TRHDE: variants seen among roughly 807,000 people sequenced by gnomAD.
TRHDE encodes thyrotropin releasing hormone degrading enzyme.
Under a neutral mutation model 125.7 loss-of-function variants are expected in TRHDE, and 72 were observed. The observed-to-expected ratio is 0.57, with a 90% CI of 0.47 to 0.70. TRHDE has a LOEUF of 0.70. Ranked by LOEUF, TRHDE falls within the 30% of genes least tolerant of loss-of-function variation. TRHDE has a pLI of 0.00. For synonymous variants in TRHDE, 509 were observed against 509.1 expected, an observed-to-expected ratio of 1.00 and a Z score of 0.00; for missense variants, 1,110 against 1,327.1, an observed-to-expected ratio of 0.84 and a Z score of 2.54.
intron 2 of TRHDE, among the ~76,000 whole-genome samples, chr12:72,361,430 G>A (rs935234665): frequency 6.6e-6 from 1 of 151,674 alleles, no homozygotes; most frequent in Admixed American, 6.6e-5. Flanking sequence ...GCAATAAAGT[G>A]TAAAAGATAA....
At chr12:72,090,220 C>T (rs1300712647) in intron 1 of TRHDE, among the ~76,000 whole-genome samples, 2 of 152,060 alleles carry the variant, frequency 1.3e-5, no homozygotes, top group Non-Finnish European at 2.9e-5. Flanking sequence ...ATAATTTACC[C>T]AGAGATAATT....
At chr12:72,129,120 G>T (rs1454193405) in intron 2 of TRHDE, among the ~76,000 whole-genome samples, 1 of 152,084 alleles carries the variant, frequency 6.6e-6, no homozygotes. Context: ...AATCTTTAAG[G>T]TCCTGAAAGA....
chr12:72,172,554 G>A (rs1876896395), intron 2 of TRHDE, among the ~76,000 whole-genome samples: 1 of 152,118 alleles, frequency 6.6e-6, no homozygotes, highest in Non-Finnish European at 1.5e-5. Context: ...TTAGATTCAA[G>A]GGTATGACCA....
chr12:72,645,560 G>T (rs906350230), intron 15 of TRHDE, among the ~76,000 whole-genome samples: 1 of 152,078 alleles, frequency 6.6e-6, no homozygotes, highest in Non-Finnish European at 1.5e-5. Flanking sequence ...CTCTTTCAAA[G>T]ATATAATGGC....
intron 1 of TRHDE, among the ~76,000 whole-genome samples, chr12:72,275,115 G>A (rs1879434422): frequency 6.6e-6 from 1 of 152,202 alleles, no homozygotes; most frequent in Admixed American, 6.5e-5. Context: ...TGGGCTCGGA[G>A]AAGCCCAGGG....
In TRHDE at chr12:72,286,791, C is replaced by T. The variant is rs769207641; in HGVS notation, c.1025C>T (p.Thr342Ile). 6.2e-7 allele frequency: 1 copy of T among 1,613,740 alleles called. No homozygotes were observed. Among genetic ancestry groups the T allele is most frequent in the South Asian group, 1.1e-5 (1 of 91,028 alleles). The change falls in exon 2 of 19, where the codon ACC becomes ATC. Residue 342 changes from threonine to isoleucine, a missense_variant. Thr to Ile is a moderately conservative substitution (Grantham distance 89). Around this residue, in one of 5 missense-constraint regions of TRHDE, gnomAD observed 252 missense variants for 274.8 expected, o/e 0.92. Transcript: ENST00000261180. ...AAAATCAGCATCAAGCATCAAGCAA[C>T]CTATTTATCTTTATCTAATATGCCA... ...TFKISIKHQA[T>I]YLSLSNMPVE...
intron 12 of TRHDE, among the ~76,000 whole-genome samples, chr12:72,599,571 G>A (rs959680365): frequency 1.3e-5 from 2 of 151,758 alleles, no homozygotes; most frequent in African/African-American, 4.8e-5. Flanking sequence ...AGGTTATTTG[G>A]TTTTTGCTTA....
In TRHDE at chr12:72,621,334, C is replaced by T. The variant is rs553488502; in HGVS notation, c.2567+129C>T. 18 of 674,976 alleles carry T rather than the reference C, an allele frequency of 2.7e-5. No individual in the cohort carries two copies. The East Asian group carries it at 3.9e-4, about 15-fold the overall frequency. The allele number at this position is 674,976 out of a possible 1,614,324, so 41.8% of individuals were successfully genotyped here. On this transcript the variant is annotated intron_variant, in intron 14 of 18. Coordinates refer to ENST00000261180, the MANE Select transcript of TRHDE (RefSeq NM_013381.3). ...TTCTTCATCTTACATTTCACTTTCCCGAGAGGACTGCTGCTGGGTAGCACA... is the reference window on the plus strand; with the variant it reads ...TTCTTCATCTTACATTTCACTTTCCTGAGAGGACTGCTGCTGGGTAGCACA...
rs879181694 is a variant in TRHDE at position 72,619,002 on chromosome 12, A to G, written c.2433A>G (p.Lys811=). The G allele has an allele frequency of 6.3e-7, 1 of 1,585,218 alleles. No individual in the cohort carries two copies. Among genetic ancestry groups the G allele is most frequent in the Non-Finnish European group, 8.6e-7 (1 of 1,167,796 alleles). The part of the protein sequence containing the change: ...AASRALYPLD[K]LLDRMENYNI... The stretch of plus-strand genomic sequence containing the variant: ...GCCGAGCTCTTTATCCTCTAGATAA[A>G]TTACTGGACCGCATGGAAAACTACA... Residue 811 remains lysine, a synonymous_variant, in exon 13 of 19, where the codon AAA becomes AAG. Coordinates refer to ENST00000261180, the MANE Select transcript of TRHDE (RefSeq NM_013381.3).
chr12:72,447,340 C>A (rs1875343564), intron 3 of TRHDE, among the ~76,000 whole-genome samples: 1 of 152,080 alleles, frequency 6.6e-6, no homozygotes, highest in Non-Finnish European at 1.5e-5. Flanking sequence ...CACAACATAC[C>A]AGAATCTCTG....
chr12:72,462,590 G>A (rs1193552782), intron 3 of TRHDE, among the ~76,000 whole-genome samples: 2 of 152,076 alleles, frequency 1.3e-5, no homozygotes, highest in African/African-American at 4.8e-5. Flanking sequence ...TTGAATATTA[G>A]CCATATGCTT....
At chr12:72,575,615 G>T in intron 12 of TRHDE, 73 bp downstream of exon 12, 1 of 1,315,596 alleles carries the variant, frequency 7.6e-7, no homozygotes, top group Non-Finnish European at 1.1e-6. Context: ...TGCATAATAT[G>T]TATATGTCTT....
At chr12:72,186,694 T>C (rs1877221625) in intron 2 of TRHDE, 1 of 152,190 alleles carries the variant, frequency 6.6e-6, no homozygotes, top group Non-Finnish European at 1.5e-5. Flanking sequence ...CTTCTATTAA[T>C]GTAATTTGAC....
intron 6 of TRHDE, among the ~76,000 whole-genome samples, chr12:72,538,239 T>C (rs1212443661): frequency 6.6e-6 from 1 of 152,042 alleles, no homozygotes; most frequent in East Asian, 1.9e-4. Flanking sequence ...TCTATTTAAA[T>C]ATCTCTCTCT....
At chr12:72,361,719 C>G (rs1036147349) in intron 2 of TRHDE, among the ~76,000 whole-genome samples, 4 of 145,044 alleles carry the variant, frequency 2.8e-5, no homozygotes, top group South Asian at 2.3e-4. Flanking sequence ...CACCTCCCCC[C>G]ACCCCACAAC....
At chr12:72,658,905 T>A (rs1443422210) in intron 18 of TRHDE, among the ~76,000 whole-genome samples, 2 of 152,190 alleles carry the variant, frequency 1.3e-5, no homozygotes, top group African/African-American at 4.8e-5. Flanking sequence ...TCTCTAAGAT[T>A]GAGGAACATT....
intron 6 of TRHDE, among the ~76,000 whole-genome samples, chr12:72,527,467 A>G (rs540754278): frequency 5.0e-4 from 76 of 152,186 alleles, no homozygotes; most frequent in Non-Finnish European, 7.4e-4. Context: ...GATAATGGGA[A>G]GTACAGAATC....
chr12:72,238,572 T>A (rs181700535), intron 2 of TRHDE, among the ~76,000 whole-genome samples: 1 of 150,688 alleles, frequency 6.6e-6, no homozygotes, highest in Non-Finnish European at 1.5e-5. Flanking sequence ...GGCCCCGGTG[T>A]ATGATGTTCC....
chr12:72,414,717 A>C (rs1237808083), intron 3 of TRHDE, among the ~76,000 whole-genome samples: 1 of 152,130 alleles, frequency 6.6e-6, no homozygotes, highest in Non-Finnish European at 1.5e-5. Flanking sequence ...TCATTTTGGT[A>C]GAGACATGGA....
Sources: gnomAD v4.1 joint callset for allele counts (sites outside exome capture counted in the v4.1 genomes callset) on GRCh38, gnomAD v4.1.1 for gene constraint, gnomAD v4.1.1 regional missense constraint, MANE v1.5 for transcripts, NCBI Gene and HGNC (gene_info 2026-07-23, HGNC 2026-07-21) for gene names.